The following MAP2 variants were observed in gnomAD, a reference collection of about 807,000 sequenced individuals.
The protein encoded by MAP2 is microtubule-associated protein 2.
Under a neutral mutation model 137.6 loss-of-function variants are expected in MAP2, and 14 were observed. That is an observed-to-expected ratio of 0.10 (90% CI 0.07 to 0.16). The LOEUF is 0.16. MAP2 is among the 10% of genes least tolerant of loss of function. The pLI, the probability that MAP2 is intolerant of heterozygous loss-of-function variation, is 1.00. For missense variants in MAP2, 2,088 were observed against 2,191.5 expected (o/e 0.95, Z 0.94); for synonymous variants, 786 against 782.3 (o/e 1.00, Z -0.08).
At chr2:209,704,478 T>C in intron 11 of MAP2, 1 of 1,611,046 alleles carries the variant, frequency 6.2e-7, no homozygotes, top group East Asian at 2.2e-5. Context: ...ATTCCTGCTT[T>C]ACAGGGTAGC....
chr2:209,485,814 C>T (rs1182704239), intron 1 of MAP2, among the ~76,000 whole-genome samples: 1 of 152,180 alleles, frequency 6.6e-6, no homozygotes, highest in Non-Finnish European at 1.5e-5. Context: ...ACTTAACACT[C>T]CTGTGATTAA....
intron 1 of MAP2, among the ~76,000 whole-genome samples, chr2:209,443,096 C>T (rs1283531856): frequency 6.6e-6 from 1 of 151,610 alleles, no homozygotes; most frequent in East Asian, 1.9e-4. Flanking sequence ...CCATGCAAAT[C>T]TGGAAGCATG....
chr2:209,606,497 G>A (rs2084806349), intron 3 of MAP2, among the ~76,000 whole-genome samples: 1 of 152,002 alleles, frequency 6.6e-6, no homozygotes, highest in South Asian at 2.1e-4. Context: ...CTGTACTCCA[G>A]CCTTGGCAAT....
chr2:209,649,906 A>G (rs1473046626), intron 4 of MAP2, among the ~76,000 whole-genome samples: 2 of 152,210 alleles, frequency 1.3e-5, no homozygotes, highest in African/African-American at 4.8e-5. Context: ...AGTTTTTATT[A>G]ACTAATTTTA....
intron 1 of MAP2, among the ~76,000 whole-genome samples, chr2:209,448,927 A>G (rs1369931322): frequency 6.6e-6 from 1 of 152,178 alleles, no homozygotes; most frequent in Non-Finnish European, 1.5e-5. Flanking sequence ...TGTGGTAGCC[A>G]CCTGCATACT....
At chr2:209,508,780 C>G (rs765830905) in intron 2 of MAP2, among the ~76,000 whole-genome samples, 24 of 151,978 alleles carry the variant, frequency 1.6e-4, no homozygotes, top group Non-Finnish European at 2.4e-4. Flanking sequence ...GGTTTCAAGT[C>G]TATAAACTGT....
intron 2 of MAP2, among the ~76,000 whole-genome samples, chr2:209,547,599 G>A (rs2068341839): frequency 6.6e-6 from 1 of 152,072 alleles, no homozygotes; most frequent in South Asian, 2.1e-4. Context: ...CACATCACAG[G>A]TTCAGATTCC....
At chr2:209,466,970 C>T (rs1575499606) in intron 1 of MAP2, among the ~76,000 whole-genome samples, 1 of 152,154 alleles carries the variant, frequency 6.6e-6, no homozygotes, top group African/African-American at 2.4e-5. Context: ...CTTGAGTGTG[C>T]CACTGCTACA....
At chr2:209,481,026 A>G (rs1708623328) in intron 1 of MAP2, among the ~76,000 whole-genome samples, 1 of 152,200 alleles carries the variant, frequency 6.6e-6, no homozygotes, top group Non-Finnish European at 1.5e-5. Context: ...AGATTGTTAC[A>G]TGTAGTTAAC....
At chr2:209,689,788 T>G (rs939934612) in intron 7 of MAP2, among the ~76,000 whole-genome samples, 2 of 152,182 alleles carry the variant, frequency 1.3e-5, no homozygotes, top group African/African-American at 4.8e-5. Flanking sequence ...TTACTGATAT[T>G]TCAGGGAGTT....
chr2:209,591,118 G>A (rs1049119662), intron 3 of MAP2, among the ~76,000 whole-genome samples: 1 of 152,242 alleles, frequency 6.6e-6, no homozygotes, highest in East Asian at 1.9e-4. Flanking sequence ...ATGAGGTTTA[G>A]CAAGGGTAAG....
intron 1 of MAP2, among the ~76,000 whole-genome samples, chr2:209,445,985 C>G (rs1181615034): frequency 6.6e-6 from 1 of 151,584 alleles, no homozygotes. Flanking sequence ...TGATCCATCA[C>G]AAGATTTATC....
chr2:209,554,322 G>C (rs1006266954), intron 2 of MAP2, among the ~76,000 whole-genome samples: 6 of 152,124 alleles, frequency 3.9e-5, no homozygotes, highest in African/African-American at 1.4e-4. Flanking sequence ...TCCAAATTTA[G>C]CCCACTACTC....
At chr2:209,631,016 AAAAAAAAAAAAAAAAAAAAG>A (rs1369972890) in intron 4 of MAP2, among the ~76,000 whole-genome samples, 1 of 133,476 alleles carries the variant, frequency 7.5e-6, no homozygotes, top group Non-Finnish European at 1.6e-5. Flanking sequence ...AAAAAAAAAA[AAAAAAAAAAAAAAAAAAAAG>A]AGAGAGAGAG....
chr2:209,561,360 A>G (rs1172704640), intron 2 of MAP2, among the ~76,000 whole-genome samples: 1 of 152,176 alleles, frequency 6.6e-6, no homozygotes, highest in Non-Finnish European at 1.5e-5. Flanking sequence ...TCAATACTGA[A>G]CAGAACAGGC....
intron 1 of MAP2, among the ~76,000 whole-genome samples, chr2:209,474,904 A>G (rs1195954225): frequency 6.6e-6 from 1 of 152,060 alleles, no homozygotes; most frequent in Non-Finnish European, 1.5e-5. Flanking sequence ...CAATTTGGTC[A>G]GGATTTATCT....
chr2:209,690,169 A>G (rs1034315952), intron 7 of MAP2, among the ~76,000 whole-genome samples: 1 of 152,138 alleles, frequency 6.6e-6, no homozygotes, highest in African/African-American at 2.4e-5. Flanking sequence ...CGAAAACAGC[A>G]CATGTCTAAC....
In MAP2 at chr2:209,610,089, A is replaced by C. The variant is rs768356173; in HGVS notation, c.-106-14964A>C. Among the ~76,000 whole-genome samples, 4 of 152,166 alleles carry C rather than the reference A, an allele frequency of 2.6e-5. No individual in the cohort carries two copies. In the South Asian group the frequency reaches 8.3e-4, roughly 32 times the overall value. ...AAATTAGAACCATGGCAAGAGCTAT[A>C]AAGAAGACATTGGGGAACTGACCTT... On this transcript the variant is annotated intron_variant, in intron 3 of 15. Transcript: ENST00000682079.
rs2043691008 is a variant in MAP2, at chr2:209,661,673, C to T, written c.262+8241C>T. On this transcript the variant is annotated intron_variant, in intron 5 of 15. Coordinates refer to ENST00000682079, the MANE Select transcript of MAP2 (RefSeq NM_001375505.1). ...CAAGGATTGATAGAAAAGGCAGTTC[C>T]ACGAGGTTTGTATTGTCACGTTTGC... 8 of 985,286 alleles carry T rather than the reference C, an allele frequency of 8.1e-6. No individual in the cohort carries two copies. The Admixed American group carries it at 3.1e-4, about 38-fold the overall frequency. 61.0% of individuals were successfully genotyped at this position (985,286 alleles called of 1,614,324 possible).
Sources: allele counts gnomAD v4.1 joint callset (sites outside exome capture counted in the v4.1 genomes callset), GRCh38; gene constraint gnomAD v4.1.1; transcripts MANE v1.5; gene names NCBI Gene and HGNC (gene_info 2026-07-23, HGNC 2026-07-21).